APCDD1L: variants seen among roughly 807,000 people sequenced by gnomAD.
The protein encoded by APCDD1L is protein APCDD1-like.
Under a neutral mutation model 24.2 loss-of-function variants are expected in APCDD1L, and 21 were observed. The ratio of observed to expected loss-of-function variants is 0.87; its 90% CI spans 0.61 to 1.25. The LOEUF is 1.25. Among genes scored for constraint, APCDD1L ranks in the 50% most tolerant of loss-of-function variants. The pLI, the probability that APCDD1L is intolerant of heterozygous loss-of-function variation, is 0.00. For missense variants in APCDD1L, 704 were observed against 711.7 expected, an observed-to-expected ratio of 0.99 and a Z score of 0.12; for synonymous variants, 321 against 323.6, an observed-to-expected ratio of 0.99 and a Z score of 0.09.
rs771851722 is a variant in APCDD1L at position 58,461,135 on chromosome 20, C to G, written c.1161G>C (p.Met387Ile). 9.9e-6 allele frequency: 16 copies of G among 1,613,360 alleles called. No individual in the cohort carries two copies. The highest frequency in any genetic ancestry group is 1.6e-4 in the Middle Eastern group (1 of 6,080). ...SSCGGAGAWS[M>I]GTERDVTATN... ...TGGCTGTGACATCCCGCTCAGTGCC[C>G]ATGGACCAGGCCCCCGCACCCCCAC... is the stretch of plus-strand genomic sequence containing the variant. Residue 387 changes from methionine to isoleucine, a missense_variant, in exon 4 of 4, where the codon ATG becomes ATC. Met to Ile is a conservative substitution (Grantham distance 10). Transcript: ENST00000371149. The surrounding 1 kb of genome is among the most constrained non-coding windows in gnomAD (Gnocchi z 6.0).
intron 1 of APCDD1L, among the ~76,000 whole-genome samples, chr20:58,511,971 G>A (rs1990637153): frequency 6.6e-6 from 1 of 152,140 alleles, no homozygotes. Context: ...AGCATAAATT[G>A]TTGAGTAATG....
chr20:58,513,829 G>A (rs919335868), intron 1 of APCDD1L: 1 of 1,229,714 alleles, frequency 8.1e-7, no homozygotes, highest in South Asian at 1.3e-5. Context: ...AAAGCCAGAC[G>A]GGTTGATATG....
At position 58,486,854 on chromosome 20, in the gene APCDD1L, GTTTTTTTTTTTTTT is replaced by G. The variant is rs747539318; in HGVS notation, c.50-16121_50-16108del. Among the ~76,000 whole-genome samples, 6 of 80,406 alleles carry G rather than the reference GTTTTTTTTTTTTTT, an allele frequency of 7.5e-5. No homozygotes were observed. The Admixed American group carries it at 1.2e-3, about 16-fold the overall frequency. The allele number at this position is 80,406 out of a possible 152,430, so 52.7% of individuals were successfully genotyped here. A position where few individuals can be genotyped will look rare whatever the true frequency, so the allele number is the denominator to read the frequency against. Reference sequence around the variant, plus strand: ...AGAAGGAAAATTTACTGGAGGGAAGGTTTTTTTTTTTTTTTTTTTTTTTTTGAGATGAAGTCTTG... The same window carrying G: ...AGAAGGAAAATTTACTGGAGGGAAGGTTTTTTTTTTTGAGATGAAGTCTTG... On this transcript the variant is annotated intron_variant, in intron 1 of 3. Coordinates refer to ENST00000371149, the MANE Select transcript of APCDD1L (RefSeq NM_153360.3).
rs1989586816 is a variant in APCDD1L at position 58,461,030 on chromosome 20, C to T, written c.1266G>A (p.Gly422=). Residue 422 remains glycine, a synonymous_variant, in exon 4 of 4, where the codon GGG becomes GGA. Transcript: ENST00000371149. The surrounding 1 kb of genome is among the most constrained non-coding windows in gnomAD (Gnocchi z 6.0). The stretch of plus-strand genomic sequence containing the variant: ...TTTGTCCGATGAAGAGCAGGCTTTG[C>T]CCGAGGGGGTCTTGTTCCATCTTGA... ...ELFKMEQDPL[G]QSLLFIGQRP... 6.2e-7 allele frequency: 1 copy of T among 1,613,988 alleles called. No individual in the cohort carries two copies. The highest frequency in any genetic ancestry group is 8.5e-7 in the Non-Finnish European group (1 of 1,180,012).
At position 58,460,621 on chromosome 20, in the gene APCDD1L, A is replaced by G; in HGVS notation, c.*169T>C. On this transcript the variant is annotated 3_prime_UTR_variant, in exon 4 of 4. Transcript: ENST00000371149. The surrounding 1 kb of genome is among the most constrained non-coding windows in gnomAD (Gnocchi z 4.2). ...TGTGGTATAGGCTTTGCAGGGGTTAAGCTCATGTCCTGAGCCACATGGGAC... is the reference window on the plus strand; with the variant it reads ...TGTGGTATAGGCTTTGCAGGGGTTAGGCTCATGTCCTGAGCCACATGGGAC... 1 of 856,978 alleles carries G rather than the reference A, an allele frequency of 1.2e-6. No homozygotes were observed. The allele number at this position is 856,978 out of a possible 1,614,324, so 53.1% of individuals were successfully genotyped here.
rs117833034 is a variant in APCDD1L at position 58,482,354 on chromosome 20, C to T, written c.50-11607G>A. Among the ~76,000 whole-genome samples, 533 of 152,150 alleles carry T rather than the reference C, an allele frequency of 3.5e-3. 1 individual carries two copies. The highest frequency in any genetic ancestry group is 5.4e-3 in the Non-Finnish European group (370 of 68,002). ...GCTTTCGGAGTTTCAGGAGAAAGACCGGCTATAAGTCTGAACCCTATTTTT... is the reference window on the plus strand; with the variant it reads ...GCTTTCGGAGTTTCAGGAGAAAGACTGGCTATAAGTCTGAACCCTATTTTT... On this transcript the variant is annotated intron_variant, in intron 1 of 3. Coordinates refer to ENST00000371149, the MANE Select transcript of APCDD1L (RefSeq NM_153360.3).
intron 1 of APCDD1L, among the ~76,000 whole-genome samples, chr20:58,484,003 G>A (rs1393874298): frequency 1.3e-5 from 2 of 152,164 alleles, no homozygotes; most frequent in Non-Finnish European, 2.9e-5. Context: ...TTGATAAGTA[G>A]GGTTGCAGAT....
chr20:58,482,787 C>G (rs981121480), intron 1 of APCDD1L, among the ~76,000 whole-genome samples: 1 of 152,180 alleles, frequency 6.6e-6, no homozygotes, highest in Admixed American at 6.5e-5. Context: ...CTGACAGTAT[C>G]TTGCTTCTGT....
intron 1 of APCDD1L, among the ~76,000 whole-genome samples, chr20:58,502,626 A>G (rs956366163): frequency 6.6e-6 from 1 of 152,172 alleles, no homozygotes; most frequent in Middle Eastern, 3.2e-3. Context: ...ATAGGACGTT[A>G]TCTACAAACA....
At position 58,467,009 on chromosome 20, in the gene APCDD1L, G is replaced by C; in HGVS notation, c.741+97C>G. 1 of 1,434,878 alleles carries C rather than the reference G, an allele frequency of 7.0e-7. No individual in the cohort carries two copies. The highest frequency in any genetic ancestry group is 9.2e-7 in the Non-Finnish European group (1 of 1,087,204). 88.9% of individuals were successfully genotyped at this position (1,434,878 alleles called of 1,614,324 possible). Reference sequence around the variant, plus strand: ...TGACAGCCGGGCAGCCAGAGCCCTGGGCAGGCCCAGGTCTTGCAAAGCTGC... The same window carrying C: ...TGACAGCCGGGCAGCCAGAGCCCTGCGCAGGCCCAGGTCTTGCAAAGCTGC... On this transcript the variant is annotated intron_variant, in intron 3 of 3. Transcript: ENST00000371149. This position sits in a 1 kb window ranked among gnomAD's most constrained non-coding sequence, Gnocchi z 5.9.
At chr20:58,478,650 A>G (rs1568740766) in intron 1 of APCDD1L, among the ~76,000 whole-genome samples, 1 of 152,158 alleles carries the variant, frequency 6.6e-6, no homozygotes, top group Admixed American at 6.5e-5. Context: ...TATAATGACT[A>G]CTTTTCGCTG....
At chr20:58,476,556 C>T (rs1032239927) in intron 1 of APCDD1L, among the ~76,000 whole-genome samples, 3 of 152,206 alleles carry the variant, frequency 2.0e-5, no homozygotes, top group African/African-American at 7.2e-5. Context: ...TATGGCTGCA[C>T]ATGATGGTCA....
At chr20:58,466,024 G>T (rs1250315583) in intron 3 of APCDD1L, among the ~76,000 whole-genome samples, 4 of 151,332 alleles carry the variant, frequency 2.6e-5, no homozygotes, top group Non-Finnish European at 5.9e-5. Flanking sequence ...ACACTGGGAA[G>T]GTCCTAGGTC....
At chr20:58,491,225 G>A (rs753229080) in intron 1 of APCDD1L, among the ~76,000 whole-genome samples, 1 of 152,174 alleles carries the variant, frequency 6.6e-6, no homozygotes, top group Admixed American at 6.5e-5. Flanking sequence ...CCATCACAAT[G>A]AATGACAATG....
In APCDD1L at chr20:58,460,889, C is replaced by T; in HGVS notation, c.1407G>A (p.Arg469=). 1 of 1,602,834 alleles carries T rather than the reference C, an allele frequency of 6.2e-7. No individual in the cohort carries two copies. Among genetic ancestry groups the T allele is most frequent in the Non-Finnish European group, 8.5e-7 (1 of 1,172,934 alleles). ...TGCTGGGGTGCTTCTGCAGCGATGG[C>T]CTGTGCTGCGGTGGCCTGGAGAAGT... is the stretch of plus-strand genomic sequence containing the variant. ...APDFSRPPQH[R]PSLQKHPSTG... Residue 469 remains arginine (R), a synonymous_variant, in exon 4 of 4, where the codon AGG becomes AGA. Transcript: ENST00000371149. The surrounding 1 kb of genome is among the most constrained non-coding windows in gnomAD (Gnocchi z 4.2).
At chr20:58,500,796 T>G (rs982178542) in intron 1 of APCDD1L, among the ~76,000 whole-genome samples, 2 of 152,104 alleles carry the variant, frequency 1.3e-5, no homozygotes, top group Non-Finnish European at 2.9e-5. Context: ...GAAGCCACCG[T>G]CTACCAGGAA....
chr20:58,471,074 G>C (rs1408898387), intron 1 of APCDD1L, among the ~76,000 whole-genome samples: 1 of 152,198 alleles, frequency 6.6e-6, no homozygotes, highest in Non-Finnish European at 1.5e-5. Flanking sequence ...ACTCTTAGAA[G>C]CCCAGACCTT....
At chr20:58,466,305 C>T (rs1192019360) in intron 3 of APCDD1L, among the ~76,000 whole-genome samples, 3 of 152,342 alleles carry the variant, frequency 2.0e-5, no homozygotes, top group South Asian at 2.1e-4. Flanking sequence ...CCTCCCCACA[C>T]CCCGGACAGC....
chr20:58,465,784 C>G (rs1011479467), intron 3 of APCDD1L, among the ~76,000 whole-genome samples: 2 of 152,214 alleles, frequency 1.3e-5, no homozygotes, highest in African/African-American at 4.8e-5. Context: ...AACAGCATTG[C>G]AGGTACTGGA....
Sources: allele counts gnomAD v4.1 joint callset (sites outside exome capture counted in the v4.1 genomes callset), GRCh38; gene constraint gnomAD v4.1.1; non-coding constraint Gnocchi (gnomAD v3.1); transcripts MANE v1.5; gene names NCBI Gene and HGNC (gene_info 2026-07-23, HGNC 2026-07-21).